The following COLEC10 variants were observed in gnomAD, a reference collection of about 807,000 sequenced individuals.
COLEC10 encodes the protein collectin subfamily member 10.
A neutral mutation model predicts 28.4 loss-of-function variants in COLEC10; 22 were observed. The ratio of observed to expected loss-of-function variants is 0.78; its 90% confidence interval spans 0.55 to 1.11. COLEC10 has a LOEUF of 1.11. Ranked by LOEUF, COLEC10 falls within the 50% of genes least tolerant of loss-of-function variation. The pLI is 0.00. For missense variants in COLEC10, 361 were observed against 344.1 expected (o/e 1.05, Z -0.39); for synonymous variants, 125 against 116.1 (o/e 1.08, Z -0.49).
the COLEC10 span, among the ~76,000 whole-genome samples, chr8:118,989,321 G>C: frequency 6.6e-6 from 1 of 152,012 alleles, no homozygotes; most frequent in Non-Finnish European, 1.5e-5. Context: ...AGAGAATAAA[G>C]AATGAACCAA....
intron 2 of COLEC10, among the ~76,000 whole-genome samples, chr8:119,056,685 G>A (rs1164871792): frequency 6.6e-6 from 1 of 151,808 alleles, no homozygotes; most frequent in African/African-American, 2.4e-5. Context: ...ACTGTTACTG[G>A]GTTTCTATTA....
chr8:118,971,292 C>G, the COLEC10 span, among the ~76,000 whole-genome samples: 1 of 151,952 alleles, frequency 6.6e-6, no homozygotes, highest in Non-Finnish European at 1.5e-5. Flanking sequence ...TGCAAGGTCA[C>G]CTCTGGATGA....
intron 2 of COLEC10, among the ~76,000 whole-genome samples, chr8:119,028,143 A>G (rs192536884): frequency 6.6e-6 from 1 of 152,274 alleles, no homozygotes; most frequent in African/African-American, 2.4e-5. Context: ...TCCTCAGGAG[A>G]AGGAGCCTTG....
At chr8:118,998,927 C>T (rs909248874) in intron 1 of COLEC10, among the ~76,000 whole-genome samples, 3 of 149,660 alleles carry the variant, frequency 2.0e-5, no homozygotes, top group Non-Finnish European at 4.4e-5. Context: ...ATCGCTATTA[C>T]AACTAAGATT....
chr8:118,972,939 G>T, the COLEC10 span, among the ~76,000 whole-genome samples: 1 of 152,090 alleles, frequency 6.6e-6, no homozygotes, highest in African/African-American at 2.4e-5. Context: ...GCAGCAAGAA[G>T]TGCTGAGCAA....
the COLEC10 span, among the ~76,000 whole-genome samples, chr8:118,983,389 C>G: frequency 3.3e-5 from 5 of 152,074 alleles, no homozygotes; most frequent in Admixed American, 2.0e-4. Flanking sequence ...TATGTTAAAG[C>G]AGATATCACA....
intron 2 of COLEC10, among the ~76,000 whole-genome samples, chr8:119,035,865 A>T (rs1587010704): frequency 6.6e-6 from 1 of 152,194 alleles, no homozygotes; most frequent in Non-Finnish European, 1.5e-5. Flanking sequence ...TTTCATGTGA[A>T]ATAAGTGGAA....
At chr8:119,070,903 A>G (rs1328054223) in intron 1 of COLEC10, among the ~76,000 whole-genome samples, 2 of 152,136 alleles carry the variant, frequency 1.3e-5, no homozygotes, top group Non-Finnish European at 2.9e-5. Context: ...CCTATGTGGT[A>G]CCAATTTCTT....
intron 2 of COLEC10, among the ~76,000 whole-genome samples, chr8:119,025,377 A>G (rs1357751744): frequency 6.6e-6 from 1 of 152,196 alleles, no homozygotes; most frequent in African/African-American, 2.4e-5. Flanking sequence ...ACAAGCACAG[A>G]GGAGCACCAG....
intron 1 of COLEC10, among the ~76,000 whole-genome samples, chr8:119,074,727 C>A (rs1334671916): frequency 6.6e-6 from 1 of 152,206 alleles, no homozygotes; most frequent in Non-Finnish European, 1.5e-5. Context: ...CAAGAGCTCA[C>A]AAACTTGAGA....
the COLEC10 span, among the ~76,000 whole-genome samples, chr8:118,957,473 A>G: frequency 1.3e-5 from 2 of 152,196 alleles, no homozygotes; most frequent in African/African-American, 4.8e-5. Context: ...CCAAGGGAGT[A>G]AAGTCAATGA....
chr8:118,971,694 T>C, the COLEC10 span, among the ~76,000 whole-genome samples: 1 of 152,000 alleles, frequency 6.6e-6, no homozygotes, highest in African/African-American at 2.4e-5. Context: ...AATGTTGAAG[T>C]CTGGTTATGT....
intron 1 of COLEC10, among the ~76,000 whole-genome samples, chr8:119,084,497 G>A (rs1296853840): frequency 6.6e-6 from 1 of 152,094 alleles, no homozygotes; most frequent in Non-Finnish European, 1.5e-5. Context: ...AAGGACTTAG[G>A]CTTACTCCTC....
chr8:119,063,705 AT>A (rs958278838), upstream of COLEC10, among the ~76,000 whole-genome samples: 12 of 138,554 alleles, frequency 8.7e-5, no homozygotes, highest in South Asian at 4.7e-4. Flanking sequence ...ATATATATAT[AT>A]TTTTTAAGGC....
intron 1 of COLEC10, among the ~76,000 whole-genome samples, chr8:119,000,533 G>GT (rs1251112693): frequency 6.6e-6 from 1 of 152,148 alleles, no homozygotes; most frequent in Non-Finnish European, 1.5e-5. Context: ...GGGGAGAGAA[G>GT]TAAAGTTAAG....
In COLEC10 at chr8:119,107,050, T is replaced by C. The variant is rs1815962426; in HGVS notation, c.*859T>C. On this transcript the variant is annotated 3_prime_UTR_variant, in exon 6 of 6. Coordinates refer to ENST00000332843, the MANE Select transcript of COLEC10 (RefSeq NM_006438.5). ...CTATTAACTTAACTTCATTTTTATTTATCTTAGGTTTACCTGCATCAATTT... is the reference window on the plus strand; with the variant it reads ...CTATTAACTTAACTTCATTTTTATTCATCTTAGGTTTACCTGCATCAATTT... Among the ~76,000 whole-genome samples the C allele has an allele frequency of 1.3e-5, 2 of 152,194 alleles. No individual in the cohort carries two copies. Among genetic ancestry groups the C allele is most frequent in the African/African-American group, 4.8e-5 (2 of 41,452 alleles).
the COLEC10 span, among the ~76,000 whole-genome samples, chr8:118,960,713 G>A: frequency 6.6e-6 from 1 of 151,382 alleles, no homozygotes; most frequent in Admixed American, 6.6e-5. Context: ...TGAACCGGTG[G>A]GGGGTGGAGG....
intron 2 of COLEC10, among the ~76,000 whole-genome samples, chr8:119,023,382 G>A (rs185827584): frequency 1.1e-3 from 170 of 152,174 alleles, no homozygotes; most frequent in Middle Eastern, 3.4e-3. Context: ...AGATATTTTT[G>A]AGAGTGACAA....
At chr8:119,069,815 G>GT (rs201524024) in intron 1 of COLEC10, among the ~76,000 whole-genome samples, 2 of 151,298 alleles carry the variant, frequency 1.3e-5, no homozygotes, top group East Asian at 3.9e-4. Flanking sequence ...CGTTATTACT[G>GT]TTTTTTCAAT....
Sources: gnomAD v4.1 joint callset for allele counts (sites outside exome capture counted in the v4.1 genomes callset) on GRCh38, gnomAD v4.1.1 for gene constraint, MANE v1.5 for transcripts, NCBI Gene and HGNC (gene_info 2026-07-23, HGNC 2026-07-21) for gene names.